PRKN: variants seen among roughly 807,000 people sequenced by gnomAD.
The protein encoded by PRKN is parkin RBR E3 ubiquitin protein ligase.
A neutral mutation model predicts 59.5 loss-of-function variants in PRKN; 56 were observed. The observed-to-expected ratio is 0.94, with a 90% CI of 0.76 to 1.18. The LOEUF is 1.18. Ranked by LOEUF, PRKN falls within the 50% of genes most tolerant of loss-of-function variation. The pLI is 0.00. For missense variants in PRKN, 657 were observed against 596.4 expected, an observed-to-expected ratio of 1.10 and a Z score of -1.06; for synonymous variants, 250 against 222.1, an observed-to-expected ratio of 1.13 and a Z score of -1.12.
rs368076010 is a variant in PRKN at position 161,973,236 on chromosome 6, T to C, written c.734+66A>G. ...TATTGGGAAAGTAAGGAGGGGGGAG[T>C]GATGCTATTTTTAGATCCTTACCTC... On this transcript the variant is annotated intron_variant, in intron 6 of 11. Transcript: ENST00000366898. 7 of 996,244 alleles carry C rather than the reference T, an allele frequency of 7.0e-6. No homozygotes were observed. In the East Asian group the frequency reaches 1.2e-4, roughly 17 times the overall value. 61.7% of individuals were successfully genotyped at this position (996,244 alleles called of 1,614,324 possible). A position where few individuals can be genotyped will look rare whatever the true frequency, so the allele number is the denominator to read the frequency against.
chr6:162,668,597 G>T (rs1779195576), intron 1 of PRKN, among the ~76,000 whole-genome samples: 1 of 152,058 alleles, frequency 6.6e-6, no homozygotes, highest in African/African-American at 2.4e-5. Context: ...GTGTATGGGG[G>T]CGCAGCAGAA....
At chr6:162,078,211 G>A (rs572468163) in intron 4 of PRKN, among the ~76,000 whole-genome samples, 3 of 151,690 alleles carry the variant, frequency 2.0e-5, no homozygotes, top group Non-Finnish European at 4.4e-5. Context: ...GAAATTCAAC[G>A]TTCTCTCATT....
chr6:161,617,171 T>A (rs1782728655), intron 7 of PRKN, among the ~76,000 whole-genome samples: 1 of 152,224 alleles, frequency 6.6e-6, no homozygotes, highest in Non-Finnish European at 1.5e-5. Flanking sequence ...GATGATGAGC[T>A]TTTTTTCATA....
At chr6:162,626,829 A>C (rs9347673) in intron 1 of PRKN, among the ~76,000 whole-genome samples, 9,883 of 151,678 alleles carry the variant, frequency 0.065, 479 homozygotes, top group East Asian at 0.29. Context: ...AAAAAAAAAA[A>C]ATTTAACTGA....
chr6:162,058,558 C>T (rs1268596557), intron 4 of PRKN, among the ~76,000 whole-genome samples: 1 of 152,198 alleles, frequency 6.6e-6, no homozygotes, highest in Admixed American at 6.5e-5. Flanking sequence ...TAACCATTAA[C>T]TAAATGGGAC....
chr6:162,710,081 CA>C (rs773330392), intron 1 of PRKN, among the ~76,000 whole-genome samples: 89 of 152,196 alleles, frequency 5.8e-4, no homozygotes, highest in Non-Finnish European at 9.3e-4. Flanking sequence ...GCTGCTGAGC[CA>C]GGGGTCCTCA....
Position 162,474,402 on chromosome 6 carries a change from A to G in PRKN, c.8-30929T>C, listed in dbSNP as rs528494174. Among the ~76,000 whole-genome samples, 11 of 152,252 alleles carry G rather than the reference A, an allele frequency of 7.2e-5. No individual in the cohort carries two copies. In the South Asian group the frequency reaches 2.1e-3, roughly 29 times the overall value. On this transcript the variant is annotated intron_variant, in intron 1 of 11. Coordinates refer to ENST00000366898, the MANE Select transcript of PRKN (RefSeq NM_004562.3). The stretch of plus-strand genomic sequence containing the variant: ...TGAATGCTTTTTTTTAGAAATCACT[A>G]TACTTCTTTGTTAGGTTACTTAATT...
intron 2 of PRKN, among the ~76,000 whole-genome samples, chr6:162,287,956 G>A (rs1331737751): frequency 6.6e-6 from 1 of 152,146 alleles, no homozygotes; most frequent in African/African-American, 2.4e-5. Context: ...TGCTTGGGGT[G>A]GGCTTGGGGC....
At chr6:162,714,041 C>T (rs532662830) in intron 1 of PRKN, among the ~76,000 whole-genome samples, 16 of 152,238 alleles carry the variant, frequency 1.1e-4, no homozygotes, top group Admixed American at 3.3e-4. Context: ...AGGAATGTGA[C>T]GTTTGATCAT....
chr6:161,676,731 C>CT (rs1785101123), intron 7 of PRKN, among the ~76,000 whole-genome samples: 1 of 152,202 alleles, frequency 6.6e-6, no homozygotes, highest in Non-Finnish European at 1.5e-5. Flanking sequence ...TAGTCAAAGG[C>CT]TGGCCTGTTT....
In PRKN at chr6:162,470,605, T is replaced by C. The variant is rs552541812; in HGVS notation, c.8-27132A>G. ...AACTCTGTCTCAAAAAAAAGTATGC[T>C]TGTGAAGCATACATTCTAGATGGTT... is the stretch of plus-strand genomic sequence containing the variant. On this transcript the variant is annotated intron_variant, in intron 1 of 11. Coordinates refer to ENST00000366898, the MANE Select transcript of PRKN (RefSeq NM_004562.3). Among the ~76,000 whole-genome samples, 5 of 152,228 alleles carry C rather than the reference T, an allele frequency of 3.3e-5. No individual in the cohort carries two copies. In the South Asian group the frequency reaches 1.0e-3, roughly 32 times the overall value.
intron 2 of PRKN, among the ~76,000 whole-genome samples, chr6:162,332,226 A>G (rs565363319): frequency 2.6e-5 from 4 of 152,324 alleles, no homozygotes; most frequent in African/African-American, 9.6e-5. Flanking sequence ...CTCTTGAAAA[A>G]CTGGAAGACA....
At chr6:161,662,114 A>T (rs528552526) in intron 7 of PRKN, among the ~76,000 whole-genome samples, 3 of 152,208 alleles carry the variant, frequency 2.0e-5, no homozygotes, top group Admixed American at 6.5e-5. Flanking sequence ...AATGAGCTGC[A>T]CAGAGGGAAA....
intron 1 of PRKN, among the ~76,000 whole-genome samples, chr6:162,489,408 TA>T (rs1272417056): frequency 1.3e-5 from 2 of 152,178 alleles, no homozygotes; most frequent in African/African-American, 4.8e-5. Flanking sequence ...TACAGAATAT[TA>T]AAACTCTGTA....
At chr6:162,210,107 A>ATAAATAAAAT (rs1554285071) in intron 3 of PRKN, among the ~76,000 whole-genome samples, 282 of 144,248 alleles carry the variant, frequency 2.0e-3, no homozygotes, top group Non-Finnish European at 3.5e-3. Context: ...TATAATAATA[A>ATAAATAAAAT]AAAATAAAAT....
intron 6 of PRKN, among the ~76,000 whole-genome samples, chr6:161,873,382 G>C (rs536009592): frequency 6.6e-6 from 1 of 152,008 alleles, no homozygotes; most frequent in South Asian, 2.1e-4. Flanking sequence ...AACTATGCAA[G>C]CATGAAATAT....
At position 161,552,043 on chromosome 6, in the gene PRKN, A is replaced by T. The variant is rs1020245453; in HGVS notation, c.934-3040T>A. ...AGAAGAAACGTATGAGTGATGAAGGAAGGGGAGGGCGGAGGAAGTCGGTAT... is the reference window on the plus strand; with the variant it reads ...AGAAGAAACGTATGAGTGATGAAGGTAGGGGAGGGCGGAGGAAGTCGGTAT... On this transcript the variant is annotated intron_variant, in intron 8 of 11. Transcript: ENST00000366898. This position sits in a 1 kb window ranked among gnomAD's most constrained non-coding sequence, Gnocchi z 4.9. Among the ~76,000 whole-genome samples, 1 of 152,090 alleles carries T rather than the reference A, an allele frequency of 6.6e-6. No homozygotes were observed. Among genetic ancestry groups the T allele is most frequent in the Non-Finnish European group, 1.5e-5 (1 of 68,012 alleles).
At chr6:161,716,902 G>A (rs988139602) in intron 7 of PRKN, among the ~76,000 whole-genome samples, 3 of 152,186 alleles carry the variant, frequency 2.0e-5, no homozygotes, top group Non-Finnish European at 4.4e-5. Context: ...GTTCTTGAGC[G>A]AGGGAAAGAC....
At chr6:161,731,426 G>A (rs1787706976) in intron 7 of PRKN, among the ~76,000 whole-genome samples, 1 of 152,180 alleles carries the variant, frequency 6.6e-6, no homozygotes, top group East Asian at 1.9e-4. Flanking sequence ...TAGTTTTTTG[G>A]AAGCAGGCTA....
Sources: gnomAD v4.1 joint callset for allele counts (sites outside exome capture counted in the v4.1 genomes callset) on GRCh38, gnomAD v4.1.1 for gene constraint, Gnocchi (gnomAD v3.1) non-coding constraint, MANE v1.5 for transcripts, NCBI Gene and HGNC (gene_info 2026-07-23, HGNC 2026-07-21) for gene names.